EPG5: variants seen among roughly 807,000 people sequenced by gnomAD.
EPG5 encodes ectopic P-granules 5 autophagy tethering factor.
In EPG5, 159 loss-of-function variants were observed where a neutral mutation model predicts 302.7. The ratio of observed to expected loss-of-function variants is 0.53; its 90% CI spans 0.46 to 0.60. The LOEUF is 0.60. Ranked by LOEUF, EPG5 falls within the 20% of genes least tolerant of loss-of-function variation. The pLI, the probability that EPG5 is intolerant of heterozygous loss-of-function variation, is 0.00. For synonymous variants in EPG5, 1,158 were observed against 1,136.8 expected, an observed-to-expected ratio of 1.02 and a Z score of -0.37; for missense variants, 2,896 against 3,092.4, an observed-to-expected ratio of 0.94 and a Z score of 1.51.
intron 35 of EPG5, among the ~76,000 whole-genome samples, chr18:45,874,415 T>C (rs1044863761): frequency 6.6e-6 from 1 of 151,874 alleles, no homozygotes; most frequent in African/African-American, 2.4e-5. Context: ...TATTAGCTCA[T>C]TTTCACACTG....
chr18:45,819,467 C>T, the EPG5 span, among the ~76,000 whole-genome samples: 5 of 152,182 alleles, frequency 3.3e-5, no homozygotes, highest in South Asian at 1.0e-3. Context: ...AGTTCAAGGC[C>T]AGAAAGGAAA....
At position 45,865,765 on chromosome 18, in the gene EPG5, CAAAAA is replaced by C. The variant is rs11333207; in HGVS notation, c.6622-11_6622-7del. The C allele has an allele frequency of 2.6e-5, 37 of 1,411,226 alleles. No individual in the cohort carries two copies. The highest frequency in any genetic ancestry group is 1.4e-4 in the South Asian group (10 of 71,728). The allele number at this position is 1,411,226 out of a possible 1,614,324, so 87.4% of individuals were successfully genotyped here. On this transcript the variant is annotated splice_region_variant and splice_polypyrimidine_tract_variant and intron_variant, in intron 38 of 43. Transcript: ENST00000282041. ...TGGCATTTTGGAACTGCATCCTGAC[CAAAAA>C]AAAAAAAAAAAATCATTCAAATGAA...
At chr18:45,825,751 T>G in the EPG5 span, 1 of 1,614,238 alleles carries the variant, frequency 6.2e-7, no homozygotes, top group Non-Finnish European at 8.5e-7. Context: ...ATCTGGCTGC[T>G]GGCCTGCTTG....
the EPG5 span, among the ~76,000 whole-genome samples, chr18:45,805,890 A>G: frequency 6.6e-6 from 1 of 152,238 alleles, no homozygotes; most frequent in African/African-American, 2.4e-5. Flanking sequence ...CAATTCTACA[A>G]CCATAGATTT....
intron 34 of EPG5, 109 bp from the exon 35 acceptor site, chr18:45,876,451 C>T (rs935703628): frequency 4.3e-5 from 33 of 760,996 alleles, no homozygotes; most frequent in Middle Eastern, 2.3e-4. Flanking sequence ...ATTATGTAGG[C>T]CTGACACACA....
intron 38 of EPG5, 151 bp from the exon 39 acceptor site, chr18:45,865,910 G>T: frequency 1.2e-6 from 1 of 853,204 alleles, no homozygotes; most frequent in South Asian, 1.8e-5. Context: ...AGTCCCACGT[G>T]GCCCAAGGGG....
chr18:45,812,316 C>A, the EPG5 span, among the ~76,000 whole-genome samples: 1 of 152,160 alleles, frequency 6.6e-6, no homozygotes, highest in African/African-American at 2.4e-5. Flanking sequence ...TAGGAAGAAT[C>A]AATATCGTGA....
At position 45,951,162 on chromosome 18, in the gene EPG5, G is replaced by A; in HGVS notation, c.1329C>T (p.Thr443=). The change falls in exon 4 of 44, where the codon ACC becomes ACT. Residue 443 remains threonine (T), a synonymous_variant. Coordinates refer to ENST00000282041, the MANE Select transcript of EPG5 (RefSeq NM_020964.3). ...ACTGAGTATCTTCATTAACTCTCCT[G>A]GTGAACATGAATAAGACACTAATGC... ...KECISVLFMF[T]RRVNEDTQFH... 6.3e-7 allele frequency: 1 copy of A among 1,596,956 alleles called. No homozygotes were observed. Among genetic ancestry groups the A allele is most frequent in the Non-Finnish European group, 8.5e-7 (1 of 1,172,910 alleles).
chr18:45,882,204 G>A, intron 31 of EPG5, 70 bp downstream of exon 31: 2 of 1,293,198 alleles, frequency 1.5e-6, no homozygotes, highest in Admixed American at 1.8e-5. Context: ...AATAACATCT[G>A]TAAGATGAAA....
the EPG5 span, among the ~76,000 whole-genome samples, chr18:45,841,710 A>C: frequency 6.6e-6 from 1 of 152,080 alleles, no homozygotes; most frequent in African/African-American, 2.4e-5. Flanking sequence ...AGACAAGAGG[A>C]GAAGAGAGTG....
chr18:45,858,469 C>T (rs2048563439), intron 41 of EPG5, 97 bp downstream of exon 41: 1 of 867,740 alleles, frequency 1.2e-6, no homozygotes, highest in South Asian at 1.6e-5. Flanking sequence ...TTTTTATGCA[C>T]CTCTTGGTTC....
In EPG5 at chr18:45,949,551, AG is replaced by A. The variant is rs931448675; in HGVS notation, c.1429del (p.Leu477SerfsTer4). 6.2e-7 allele frequency: 1 copy of A among 1,613,476 alleles called. No homozygotes were observed. The highest frequency in any genetic ancestry group is 1.3e-5 in the African/African-American group (1 of 75,034). On this transcript the variant is annotated frameshift_variant, in exon 5 of 44. Coordinates refer to ENST00000282041, the MANE Select transcript of EPG5 (RefSeq NM_020964.3). LOFTEE classifies it high-confidence loss of function. The part of the protein sequence containing the change: ...LQRVGCPGDH[L>X]FLLNHILRCP... ...TCGAAGAATATGGTTTAGAAGGAAG[AG>A]GTGATCTCCAGGACAGCCAACTCTT... is the stretch of plus-strand genomic sequence containing the variant.
At chr18:45,921,548 A>G (rs924817944) in intron 16 of EPG5, among the ~76,000 whole-genome samples, 4 of 152,236 alleles carry the variant, frequency 2.6e-5, no homozygotes, top group African/African-American at 9.6e-5. Context: ...CTCTCATAGA[A>G]GTTATATATA....
chr18:45,825,881 G>C, the EPG5 span: 1 of 1,415,848 alleles, frequency 7.1e-7, no homozygotes. Flanking sequence ...CAGGTGTGCA[G>C]AGCCTCCAGG....
At chr18:45,943,917 T>C (rs1263468564) in intron 8 of EPG5, 88 bp downstream of exon 8, 11 of 841,918 alleles carry the variant, frequency 1.3e-5, no homozygotes, top group African/African-American at 6.9e-5. Flanking sequence ...CAAGACTCCA[T>C]CTCAAAAAAA....
At chr18:45,829,068 G>C in the EPG5 span, 1 of 985,468 alleles carries the variant, frequency 1.0e-6, no homozygotes, top group East Asian at 1.1e-4. Flanking sequence ...GGCTGGGCAG[G>C]GGGTGGGGGC....
chr18:45,875,819 C>G (rs919369651), intron 35 of EPG5, among the ~76,000 whole-genome samples: 1 of 152,168 alleles, frequency 6.6e-6, no homozygotes, highest in Admixed American at 6.5e-5. Flanking sequence ...CTTTGGGAGG[C>G]CGAGGCGGGC....
the EPG5 span, chr18:45,838,871 G>T: frequency 6.3e-7 from 1 of 1,587,680 alleles, no homozygotes; most frequent in Non-Finnish European, 8.5e-7. Flanking sequence ...CCGCGTGAGG[G>T]TCACGGCCAC....
chr18:45,892,070 A>C (rs1111937), intron 27 of EPG5, among the ~76,000 whole-genome samples: 70,973 of 151,928 alleles, frequency 0.47, 17,633 homozygotes, highest in East Asian at 0.58. Context: ...GGAAAGGCAA[A>C]GGATCCAGAG....
Sources: gnomAD v4.1 joint callset for allele counts (sites outside exome capture counted in the v4.1 genomes callset) on GRCh38, gnomAD v4.1.1 for gene constraint, MANE v1.5 for transcripts, NCBI Gene and HGNC (gene_info 2026-07-23, HGNC 2026-07-21) for gene names.